RAD51: variants seen among roughly 807,000 people sequenced by gnomAD.
The protein encoded by RAD51 is RAD51 recombinase.
Under a neutral mutation model 41.5 loss-of-function variants are expected in RAD51, and 14 were observed. The ratio of observed to expected loss-of-function variants is 0.34; its 90% confidence interval spans 0.22 to 0.53. The LOEUF (loss-of-function observed/expected upper bound fraction) is 0.53, where lower values mean the gene tolerates loss of function less well. Among genes scored for constraint, RAD51 ranks in the 20% least tolerant of loss-of-function variants. The pLI is 0.95. For synonymous variants in RAD51, 136 were observed against 148.6 expected, an observed-to-expected ratio of 0.92 and a Z score of 0.62; for missense variants, 234 against 422.0, an observed-to-expected ratio of 0.55 and a Z score of 3.90.
chr15:40,717,492 A>G (rs1040427073), intron 5 of RAD51, among the ~76,000 whole-genome samples: 2 of 152,212 alleles, frequency 1.3e-5, no homozygotes, highest in Non-Finnish European at 2.9e-5. Flanking sequence ...AACTTTGTAG[A>G]AAAATTCAAA....
chr15:40,695,003 A>C (rs1048854187), upstream of RAD51: 2 of 152,356 alleles, frequency 1.3e-5, no homozygotes, highest in African/African-American at 4.8e-5. Context: ...AGTTTGAATT[A>C]GTCCTTACGC....
chr15:40,703,630 C>T (rs956270687), intron 3 of RAD51, among the ~76,000 whole-genome samples: 16 of 152,086 alleles, frequency 1.1e-4, no homozygotes, highest in African/African-American at 3.9e-4. Context: ...CACAGGGTTT[C>T]CTTATACTAC....
intron 1 of RAD51, among the ~76,000 whole-genome samples, chr15:40,696,179 CTGTTTTTT>C (rs998670852): frequency 5.1e-4 from 78 of 151,480 alleles, no homozygotes; most frequent in Middle Eastern, 3.4e-3. Flanking sequence ...CGCCTGGCCC[CTGTTTTTT>C]TGTTTGTTTG....
intron 3 of RAD51, among the ~76,000 whole-genome samples, chr15:40,704,415 G>A (rs1157612213): frequency 1.3e-5 from 2 of 150,330 alleles, no homozygotes; most frequent in African/African-American, 4.9e-5. Context: ...AGGCTGGAGT[G>A]CGGTGGTGTG....
At chr15:40,722,400 C>G (rs555805128) in intron 6 of RAD51, among the ~76,000 whole-genome samples, 1 of 144,690 alleles carries the variant, frequency 6.9e-6, no homozygotes, top group African/African-American at 2.6e-5. Flanking sequence ...GCAACAAGAG[C>G]GAAACTCTGG....
At chr15:40,706,710 G>A (rs990958616) in intron 4 of RAD51, among the ~76,000 whole-genome samples, 1 of 152,090 alleles carries the variant, frequency 6.6e-6, no homozygotes, top group African/African-American at 2.4e-5. Flanking sequence ...CAAAAACAAA[G>A]AGAGATAAAG....
chr15:40,721,648 G>A (rs1320381215), intron 6 of RAD51, among the ~76,000 whole-genome samples: 6 of 152,114 alleles, frequency 3.9e-5, no homozygotes, highest in Admixed American at 3.3e-4. Flanking sequence ...TGGCTGACAA[G>A]GCAATTTAAT....
chr15:40,710,664 T>C (rs1272686102), intron 5 of RAD51, among the ~76,000 whole-genome samples: 1 of 152,158 alleles, frequency 6.6e-6, no homozygotes, highest in Non-Finnish European at 1.5e-5. Flanking sequence ...TCGTCTTCTG[T>C]TATCAGAACT....
intron 4 of RAD51, among the ~76,000 whole-genome samples, chr15:40,707,259 A>T (rs1358638959): frequency 7.0e-6 from 1 of 142,936 alleles, no homozygotes; most frequent in Non-Finnish European, 1.5e-5. Flanking sequence ...AGCCTCCCAA[A>T]GTGCTGGGAT....
intron 4 of RAD51, among the ~76,000 whole-genome samples, chr15:40,707,393 G>A (rs1203123023): frequency 3.3e-5 from 5 of 151,632 alleles, no homozygotes; most frequent in African/African-American, 4.8e-5. Flanking sequence ...TGCAACCTCC[G>A]CCTCCTGGGT....
chr15:40,727,860 CTTT>C (rs754071390), intron 6 of RAD51, among the ~76,000 whole-genome samples: 2 of 132,248 alleles, frequency 1.5e-5, no homozygotes, highest in African/African-American at 2.9e-5. Flanking sequence ...TAAACATTCT[CTTT>C]TTTTTTTTTT....
At chr15:40,701,551 G>A (rs566426405) in intron 3 of RAD51, among the ~76,000 whole-genome samples, 5 of 150,972 alleles carry the variant, frequency 3.3e-5, no homozygotes, top group South Asian at 4.2e-4. Context: ...GGGTAGTCTC[G>A]AACTCCTGAG....
rs1007839336 is a variant in RAD51 at position 40,725,054 on chromosome 15, C to T, written c.531-3657C>T. ...AGCTGGGACTACAGGCGCCCGCCAC[C>T]GCGCCCGGCTAATTTTTTGTATTTT... On this transcript the variant is annotated intron_variant, in intron 6 of 9. Transcript: ENST00000267868. 3.7e-4 allele frequency among the ~76,000 whole-genome samples: 56 copies of T among 151,604 alleles called. 1 individual carries two copies. Among genetic ancestry groups the T allele is most frequent in the Middle Eastern group, 3.4e-3 (1 of 294 alleles).
At chr15:40,696,232 C>G (rs919428171) in intron 1 of RAD51, among the ~76,000 whole-genome samples, 1 of 151,864 alleles carries the variant, frequency 6.6e-6, no homozygotes, top group Non-Finnish European at 1.5e-5. Context: ...ATGTAATATA[C>G]ATGTAGAAAA....
intron 6 of RAD51, among the ~76,000 whole-genome samples, chr15:40,721,666 A>T (rs1469133920): frequency 6.6e-6 from 1 of 152,230 alleles, no homozygotes; most frequent in Non-Finnish European, 1.5e-5. Flanking sequence ...AATGAGGGAA[A>T]AAATGGTCTT....
intron 6 of RAD51, 92 bp from the exon 7 acceptor site, chr15:40,728,619 C>A: frequency 1.0e-6 from 1 of 1,002,402 alleles, no homozygotes; most frequent in Non-Finnish European, 1.6e-6. Flanking sequence ...CACTTCTTCC[C>A]TACCTATTCA....
At chr15:40,721,270 C>A (rs1567049951) in intron 6 of RAD51, among the ~76,000 whole-genome samples, 1 of 151,834 alleles carries the variant, frequency 6.6e-6, no homozygotes, top group African/African-American at 2.4e-5. Flanking sequence ...CAGAAATTTA[C>A]AAAGTAATCA....
chr15:40,710,588 C>T (rs1428142217), intron 5 of RAD51, among the ~76,000 whole-genome samples: 2 of 151,458 alleles, frequency 1.3e-5, no homozygotes, highest in African/African-American at 4.9e-5. Flanking sequence ...AACTTCTTGG[C>T]AGTCTACTTT....
intron 2 of RAD51, 95 bp from the exon 3 acceptor site, chr15:40,700,969 T>C: frequency 8.0e-7 from 1 of 1,246,800 alleles, no homozygotes; most frequent in Non-Finnish European, 1.1e-6. Flanking sequence ...ATTACAAGTC[T>C]TCAAGCACCT....
Sources: allele counts gnomAD v4.1 joint callset (sites outside exome capture counted in the v4.1 genomes callset), GRCh38; gene constraint gnomAD v4.1.1; transcripts MANE v1.5; gene names NCBI Gene and HGNC (gene_info 2026-07-23, HGNC 2026-07-21).